Variants in ASCC3 observed in about 807,000 individuals in gnomAD.
The protein encoded by ASCC3 is ASC-1 complex subunit P200.
In ASCC3, 158 loss-of-function variants were observed where a neutral mutation model predicts 256.3. That is an observed-to-expected ratio of 0.62 (90% CI 0.54 to 0.70). The LOEUF (loss-of-function observed/expected upper bound fraction) is 0.70. Ranked by LOEUF, ASCC3 falls within the 30% of genes least tolerant of loss-of-function variation. ASCC3 has a pLI of 0.00. For synonymous variants in ASCC3, 948 were observed against 883.4 expected, an observed-to-expected ratio of 1.07 and a Z score of -1.30; for missense variants, 2,259 against 2,626.0, an observed-to-expected ratio of 0.86 and a Z score of 3.05.
chr6:100,862,984 G>A (rs1773298569), intron 3 of ASCC3, among the ~76,000 whole-genome samples: 1 of 152,168 alleles, frequency 6.6e-6, no homozygotes. Context: ...TAGGTTTGAG[G>A]AAGTTGAAGA....
intron 36 of ASCC3, among the ~76,000 whole-genome samples, chr6:100,561,643 A>G (rs1769958846): frequency 6.6e-6 from 1 of 152,082 alleles, no homozygotes; most frequent in South Asian, 2.1e-4. Flanking sequence ...TGGTTAAAAA[A>G]GTAAAAGTAG....
intron 8 of ASCC3, among the ~76,000 whole-genome samples, chr6:100,793,203 T>C (rs1300097962): frequency 1.3e-5 from 2 of 151,996 alleles, no homozygotes; most frequent in African/African-American, 2.4e-5. Flanking sequence ...AAAAGTCAAA[T>C]AGAGAAGTTA....
intron 4 of ASCC3, among the ~76,000 whole-genome samples, chr6:100,818,110 A>C (rs143544893): frequency 6.6e-6 from 1 of 152,362 alleles, no homozygotes; most frequent in East Asian, 1.9e-4. Flanking sequence ...AAACCAACTG[A>C]TAGACTACAT....
At position 100,682,444 on chromosome 6, in the gene ASCC3, C is replaced by A. The variant is rs573256965; in HGVS notation, c.2152-2692G>T. Among the ~76,000 whole-genome samples, 4 of 152,276 alleles carry A rather than the reference C, an allele frequency of 2.6e-5. No homozygotes were observed. The South Asian group carries it at 6.2e-4, about 24-fold the overall frequency. On this transcript the variant is annotated intron_variant, in intron 13 of 41. Transcript: ENST00000369162. ...GTGATGAAAATAGATAAGCTGTGGT[C>A]TCTTCCATTAAAAACCTGCACAATT... is the stretch of plus-strand genomic sequence containing the variant.
chr6:100,535,599 G>T (rs1007386019), intron 37 of ASCC3, among the ~76,000 whole-genome samples: 7 of 151,498 alleles, frequency 4.6e-5, no homozygotes, highest in African/African-American at 1.7e-4. Context: ...CTCCCGAGTA[G>T]CTGGGATTAC....
chr6:100,586,096 C>T (rs1771652783), intron 36 of ASCC3, among the ~76,000 whole-genome samples: 1 of 152,166 alleles, frequency 6.6e-6, no homozygotes, highest in Non-Finnish European at 1.5e-5. Flanking sequence ...CTGGGAGAAC[C>T]ACTGCTCTCT....
Position 100,606,941 on chromosome 6 carries a change from A to C in ASCC3, c.4923+10T>G. The stretch of plus-strand genomic sequence containing the variant: ...ATTTAAATATGTGTTCACTGGAGAA[A>C]AAAAAGTACCTGAACTTTACAGTTT... On this transcript the variant is annotated intron_variant, in intron 31 of 41. Transcript: ENST00000369162. 6.2e-7 allele frequency: 1 copy of C among 1,613,250 alleles called. No homozygotes were observed. Among genetic ancestry groups the C allele is most frequent in the East Asian group, 2.2e-5 (1 of 44,786 alleles).
At chr6:100,746,953 T>C (rs954632414) in intron 10 of ASCC3, among the ~76,000 whole-genome samples, 9 of 152,104 alleles carry the variant, frequency 5.9e-5, no homozygotes, top group Admixed American at 3.3e-4. Flanking sequence ...AAGACACTGT[T>C]ACAAACGTCA....
intron 37 of ASCC3, among the ~76,000 whole-genome samples, chr6:100,525,049 T>A (rs1774498453): frequency 6.8e-6 from 1 of 147,648 alleles, no homozygotes; most frequent in Non-Finnish European, 1.5e-5. Context: ...TGTGGTGGTG[T>A]GTGCCTGTGG....
intron 25 of ASCC3, among the ~76,000 whole-genome samples, chr6:100,633,074 C>T (rs115751147): frequency 0.03 from 4,606 of 152,246 alleles, 77 homozygotes; most frequent in African/African-American, 0.055. Flanking sequence ...ACCATATACA[C>T]TAGTTCTGTC....
At chr6:100,656,783 A>C (rs1432461425) in intron 16 of ASCC3, among the ~76,000 whole-genome samples, 2 of 151,128 alleles carry the variant, frequency 1.3e-5, no homozygotes, top group Admixed American at 1.3e-4. Flanking sequence ...TTTTTACTTA[A>C]GGTACTTATT....
intron 20 of ASCC3, 47 bp from the exon 21 acceptor site, chr6:100,647,498 T>G (rs766562577): frequency 6.7e-7 from 1 of 1,502,668 alleles, no homozygotes; most frequent in South Asian, 1.1e-5. Context: ...AATGTGCTTT[T>G]AAATTTGTCA....
chr6:100,574,678 A>AG (rs1770766824), intron 36 of ASCC3, among the ~76,000 whole-genome samples: 1 of 151,604 alleles, frequency 6.6e-6, no homozygotes, highest in Non-Finnish European at 1.5e-5. Context: ...AAGAAATGAA[A>AG]AGTAATTAAG....
chr6:100,731,140 G>T (rs1475094519), intron 10 of ASCC3, among the ~76,000 whole-genome samples: 1 of 152,004 alleles, frequency 6.6e-6, no homozygotes, highest in Non-Finnish European at 1.5e-5. Flanking sequence ...AATTCAAGAA[G>T]AAATTCTAAA....
chr6:100,595,639 T>A (rs2114783714), intron 34 of ASCC3, among the ~76,000 whole-genome samples: 1 of 152,284 alleles, frequency 6.6e-6, no homozygotes, highest in African/African-American at 2.4e-5. Context: ...GGACAGGGAA[T>A]GTGGACCTGA....
At chr6:100,704,200 T>C (rs1054465760) in intron 13 of ASCC3, among the ~76,000 whole-genome samples, 1 of 151,980 alleles carries the variant, frequency 6.6e-6, no homozygotes, top group Non-Finnish European at 1.5e-5. Flanking sequence ...ATTTCTTTAG[T>C]AGTACTATCT....
intron 32 of ASCC3, among the ~76,000 whole-genome samples, chr6:100,606,231 G>C (rs1466465731): frequency 1.3e-5 from 2 of 151,880 alleles, no homozygotes; most frequent in Non-Finnish European, 2.9e-5. Flanking sequence ...TCATTTAGTG[G>C]AAATATACAT....
rs1774332747 is a variant in ASCC3 at position 100,628,080 on chromosome 6, A to G, written c.4376-93T>C. The G allele has an allele frequency of 2.4e-6, 3 of 1,247,280 alleles. No homozygotes were observed. In the East Asian group the frequency reaches 7.4e-5, roughly 31 times the overall value. The allele number at this position is 1,247,280 out of a possible 1,614,324, so 77.3% of individuals were successfully genotyped here. A position where few individuals can be genotyped will look rare whatever the true frequency, so the allele number is the denominator to read the frequency against. On this transcript the variant is annotated intron_variant, in intron 27 of 41. Transcript: ENST00000369162. ...AAAGGAAGAGTTTGTAGCTTCCTCAAAAAACAAAAACAAAAAAAAAAACAA... is the reference window on the plus strand; with the variant it reads ...AAAGGAAGAGTTTGTAGCTTCCTCAGAAAACAAAAACAAAAAAAAAAACAA...
In ASCC3 at chr6:100,625,231, T is replaced by C. The variant is rs1774166217; in HGVS notation, c.4746A>G (p.Glu1582=). ...TGTTTAACCACTGCTTTGGATCTTC[T>C]TCAGTAGCCAGGAAGGCGATCAATT... ...ALELIAFLAT[E]EDPKQWLNMD... The change falls in exon 30 of 42, where the codon GAA becomes GAG. Residue 1582 remains glutamate (E), a synonymous_variant. Transcript: ENST00000369162. 6.2e-7 allele frequency: 1 copy of C among 1,612,994 alleles called. No homozygotes were observed. The highest frequency in any genetic ancestry group is 8.5e-7 in the Non-Finnish European group (1 of 1,179,264).
Sources: gnomAD v4.1 joint callset for allele counts (sites outside exome capture counted in the v4.1 genomes callset) on GRCh38, gnomAD v4.1.1 for gene constraint, MANE v1.5 for transcripts, NCBI Gene and HGNC (gene_info 2026-07-23, HGNC 2026-07-21) for gene names.